Variants in RFX6 observed in about 807,000 individuals in gnomAD.
RFX6 encodes the protein regulatory factor X6.
In RFX6, 50 loss-of-function variants were observed where a neutral mutation model predicts 110.8. That is an observed-to-expected ratio of 0.45 (90% CI 0.36 to 0.57). The LOEUF is 0.57. Among genes scored for constraint, RFX6 ranks in the 20% least tolerant of loss-of-function variants. The pLI is 0.00. For synonymous variants in RFX6, 383 were observed against 411.2 expected (o/e 0.93, Z 0.83); for missense variants, 990 against 1,127.0 (o/e 0.88, Z 1.74).
intron 4 of RFX6, chr6:116,884,893 A>G (rs1187267825): frequency 1.3e-5 from 2 of 152,188 alleles, no homozygotes; most frequent in African/African-American, 4.8e-5. Flanking sequence ...CTGATATGCC[A>G]TTTGATATTT....
In RFX6 at chr6:116,923,107, A is replaced by G. The variant is rs374609386; in HGVS notation, c.1438A>G (p.Thr480Ala). ...TTTCATTTTGTTCCTTTACTTTTAG[A>G]CCAGCAAACAAAATGGAAGGTCATT... ...DTVVEQRVIKTSKQNGRSLKK... is the reference protein window; with the variant it reads ...DTVVEQRVIKASKQNGRSLKK... Residue 480 changes from threonine to alanine, a missense_variant and splice_region_variant, in exon 14 of 19, where the codon ACC (threonine) becomes GCC (alanine). Physicochemically the swap from Thr to Ala is moderately conservative, Grantham distance 58. Coordinates refer to ENST00000332958, the MANE Select transcript of RFX6 (RefSeq NM_173560.4). 10 of 1,538,786 alleles carry G rather than the reference A, an allele frequency of 6.5e-6. 1 individual carries two copies. Among genetic ancestry groups the G allele is most frequent in the East Asian group, 2.3e-5 (1 of 44,430 alleles).
chr6:116,917,925 T>G lies in RFX6; in HGVS notation c.973-112T>G, dbSNP rs549113998. The G allele has an allele frequency of 2.5e-4, 187 of 743,920 alleles. No homozygotes were observed. In the African/African-American group the frequency reaches 2.9e-3, roughly 12 times the overall value. 46.1% of individuals were successfully genotyped at this position (743,920 alleles called of 1,614,324 possible). ...TAAAATTATAACTTTGAGAAAGGAG[T>G]TAACATGTTATTCTCTAGGAAGCTA... On this transcript the variant is annotated intron_variant, in intron 9 of 18. Coordinates refer to ENST00000332958, the MANE Select transcript of RFX6 (RefSeq NM_173560.4).
intron 3 of RFX6, 61 bp downstream of exon 3, chr6:116,880,728 G>A (rs1292878435): frequency 5.1e-6 from 8 of 1,565,576 alleles, no homozygotes; most frequent in Non-Finnish European, 6.2e-6. Flanking sequence ...CAGATAGCAT[G>A]AAAATGAATT....
chr6:116,906,310 AC>A (rs1296585204), intron 6 of RFX6, among the ~76,000 whole-genome samples: 1 of 152,066 alleles, frequency 6.6e-6, no homozygotes, highest in Non-Finnish European at 1.5e-5. Flanking sequence ...GTCTTCTCTG[AC>A]TTTGTTCTTC....
intron 6 of RFX6, among the ~76,000 whole-genome samples, chr6:116,895,645 T>TAC (rs146991192): frequency 0.15 from 21,500 of 147,698 alleles, 1,605 homozygotes; most frequent in Non-Finnish European, 0.18. Flanking sequence ...CTACTTTGTG[T>TAC]ACACACACAC....
chr6:116,930,387 C>A (rs747362463), intron 18 of RFX6, among the ~76,000 whole-genome samples: 7 of 152,062 alleles, frequency 4.6e-5, no homozygotes, highest in Non-Finnish European at 1.0e-4. Context: ...CGACTAGGAG[C>A]CAGACCCCAT....
At chr6:116,904,263 G>T (rs185389815) in intron 6 of RFX6, among the ~76,000 whole-genome samples, 2 of 151,942 alleles carry the variant, frequency 1.3e-5, no homozygotes, top group African/African-American at 4.8e-5. Context: ...ATATGTTCTG[G>T]ATACTAATAT....
At position 116,894,114 on chromosome 6, in the gene RFX6, G is replaced by A. The variant is rs1582516145; in HGVS notation, c.644+50G>A. ...AAATTCTCTGTGTTTCTTTAAATAT[G>A]CATGATACCTATTGAATAAAATGAT... On this transcript the variant is annotated intron_variant, in intron 5 of 18. Transcript: ENST00000332958. 7.5e-6 allele frequency: 7 copies of A among 932,290 alleles called. No individual in the cohort carries two copies. In the Admixed American group the frequency reaches 1.0e-4, roughly 14 times the overall value. The allele number at this position is 932,290 out of a possible 1,614,324, so 57.8% of individuals were successfully genotyped here.
rs763319358 is a variant in RFX6 at position 116,877,852 on chromosome 6, G to C, written c.280G>C (p.Asp94His). 6 of 1,614,044 alleles carry C rather than the reference G, an allele frequency of 3.7e-6. No individual in the cohort carries two copies. In the East Asian group the frequency reaches 1.3e-4, roughly 36 times the overall value. The change falls in exon 2 of 19, where the codon GAC (aspartate) becomes CAC (histidine). Residue 94 changes from aspartate to histidine, a missense_variant. Asp to His is a moderately conservative substitution (Grantham distance 81, BLOSUM62 -1). Coordinates refer to ENST00000332958, the MANE Select transcript of RFX6 (RefSeq NM_173560.4). ...SSEEEDADNHDSKTKAADQYL... is the reference protein window; with the variant it reads ...SSEEEDADNHHSKTKAADQYL... Reference sequence around the variant, plus strand: ...TGAAGAAGAGGACGCCGACAACCACGACAGCAAAACCAAAGCAGCGGATCA... The same window carrying C: ...TGAAGAAGAGGACGCCGACAACCACCACAGCAAAACCAAAGCAGCGGATCA...
chr6:116,916,776 T>G (rs750489928), intron 9 of RFX6, among the ~76,000 whole-genome samples: 3 of 152,132 alleles, frequency 2.0e-5, no homozygotes, highest in Non-Finnish European at 2.9e-5. Context: ...TCAGAGTTCC[T>G]AAGTGTCTGC....
chr6:116,887,241 G>A (rs1774718071), intron 4 of RFX6, among the ~76,000 whole-genome samples: 1 of 151,938 alleles, frequency 6.6e-6, no homozygotes, highest in Non-Finnish European at 1.5e-5. Context: ...GCTGCTGATG[G>A]TTATGGAAAA....
At chr6:116,877,690 GCCCCCACC>G in intron 1 of RFX6, 98 bp from the exon 2 acceptor site, 1 of 500,520 alleles carries the variant, frequency 2.0e-6, no homozygotes, top group Non-Finnish European at 3.6e-6. Flanking sequence ...CCTCCCCTCC[GCCCCCACC>G]CCAGTAGGCT....
At chr6:116,894,600 G>C (rs1011571293) in intron 5 of RFX6, among the ~76,000 whole-genome samples, 4 of 152,020 alleles carry the variant, frequency 2.6e-5, no homozygotes, top group African/African-American at 9.7e-5. Context: ...ATTGCTCTAA[G>C]CCACTGTTAA....
Position 116,928,779 on chromosome 6 carries a change from A to T in RFX6, c.2419A>T (p.Asn807Tyr). The change falls in exon 18 of 19, where the codon AAC becomes TAC. Residue 807 changes from asparagine (N) to tyrosine (Y), a missense_variant. Transcript: ENST00000332958. ...TACAGGATACTATGGAAGCAACATA[A>T]ACTACCCAGAGTCTCACAGGCTCGG... ...SPNGYYGSNINYPESHRLGSM... is the reference protein window; with the variant it reads ...SPNGYYGSNIYYPESHRLGSM... 6.2e-7 allele frequency: 1 copy of T among 1,613,562 alleles called. No homozygotes were observed. The highest frequency in any genetic ancestry group is 8.5e-7 in the Non-Finnish European group (1 of 1,179,462).
At chr6:116,880,699 T>C (rs1467153011) in intron 3 of RFX6, 32 bp downstream of exon 3, 4 of 1,609,832 alleles carry the variant, frequency 2.5e-6, no homozygotes, top group East Asian at 4.5e-5. Flanking sequence ...TAGTGACTTA[T>C]AACTAAAGTC....
At chr6:116,916,466 T>C in intron 9 of RFX6, 152 bp downstream of exon 9, 1 of 662,734 alleles carries the variant, frequency 1.5e-6, no homozygotes, top group South Asian at 1.7e-5. Context: ...AATTTAATAG[T>C]GCACGTTTAA....
Position 116,916,302 on chromosome 6 carries a change from A to C in RFX6, c.960A>C (p.Ser320=). The change falls in exon 9 of 19, where the codon TCA becomes TCC. Residue 320 remains serine (S), a synonymous_variant. Transcript: ENST00000332958. Reference sequence around the variant, plus strand: ...TTGATATTTTCTGTGTTTGTGACTCAATTCTTTATAAGGTAAGCACTTTGG... The same window carrying C: ...TTGATATTTTCTGTGTTTGTGACTCCATTCTTTATAAGGTAAGCACTTTGG... ...VIIDIFCVCD[S]ILYKVLTDVL... 6.3e-7 allele frequency: 1 copy of C among 1,598,894 alleles called. No homozygotes were observed. Among genetic ancestry groups the C allele is most frequent in the Non-Finnish European group, 8.6e-7 (1 of 1,166,782 alleles).
chr6:116,902,153 A>G lies in RFX6; in HGVS notation c.672+6946A>G, dbSNP rs559178719. Among the ~76,000 whole-genome samples the G allele has an allele frequency of 1.8e-4, 28 of 152,174 alleles. 2 individuals are homozygous for G. The South Asian group carries it at 5.6e-3, about 30-fold the overall frequency. On this transcript the variant is annotated intron_variant, in intron 6 of 18. Transcript: ENST00000332958. The stretch of plus-strand genomic sequence containing the variant: ...ACAGTATAATATTAAGAACATTTAC[A>G]TACTAGGTAAATTTTTTAATGTTTG...
At chr6:116,886,019 G>T (rs555811264) in intron 4 of RFX6, among the ~76,000 whole-genome samples, 22 of 152,026 alleles carry the variant, frequency 1.4e-4, no homozygotes, top group African/African-American at 5.3e-4. Flanking sequence ...CTGAATGAAA[G>T]ACAGAAATAT....
Sources: gnomAD v4.1 joint callset for allele counts (sites outside exome capture counted in the v4.1 genomes callset) on GRCh38, gnomAD v4.1.1 for gene constraint, MANE v1.5 for transcripts, NCBI Gene and HGNC (gene_info 2026-07-23, HGNC 2026-07-21) for gene names.